KHDRBS2: variants seen among roughly 807,000 people sequenced by gnomAD.
KHDRBS2 encodes the protein KH domain-containing, RNA-binding, signal transduction-associated protein 2.
In KHDRBS2, 26 loss-of-function variants were observed where a neutral mutation model predicts 44.3. That is an observed-to-expected ratio of 0.59 (90% confidence interval 0.43 to 0.81). The LOEUF (loss-of-function observed/expected upper bound fraction) is 0.81. KHDRBS2 is among the 40% of genes least tolerant of loss of function. The probability of loss-of-function intolerance (pLI) is 0.00; values close to 1 mark genes in which losing one functional copy is unlikely to be tolerated. For synonymous variants in KHDRBS2, 194 were observed against 151.1 expected, an observed-to-expected ratio of 1.28 and a Z score of -2.08; for missense variants, 476 against 433.1, an observed-to-expected ratio of 1.10 and a Z score of -0.88.
intron 7 of KHDRBS2, among the ~76,000 whole-genome samples, chr6:61,715,689 G>A (rs1562015631): frequency 6.6e-6 from 1 of 151,788 alleles, no homozygotes; most frequent in Non-Finnish European, 1.5e-5. Flanking sequence ...CATGCTATGT[G>A]TTTATTTGAG....
intron 4 of KHDRBS2, among the ~76,000 whole-genome samples, chr6:61,946,296 T>C (rs1008737918): frequency 3.3e-5 from 5 of 152,210 alleles, no homozygotes; most frequent in Non-Finnish European, 5.9e-5. Flanking sequence ...AAGAATAGCA[T>C]GTATTTAACA....
chr6:61,546,514 G>A, the KHDRBS2 span, among the ~76,000 whole-genome samples: 1 of 152,004 alleles, frequency 6.6e-6, no homozygotes, highest in African/African-American at 2.4e-5. Flanking sequence ...AGTTTCTATG[G>A]CATATTTCTA....
chr6:62,215,036 T>A (rs1411006736), intron 1 of KHDRBS2, among the ~76,000 whole-genome samples: 1 of 151,862 alleles, frequency 6.6e-6, no homozygotes, highest in Admixed American at 6.6e-5. Context: ...TTTGTTGAAT[T>A]TTCCATTGTT....
chr6:61,813,394 C>A (rs1788424410), intron 6 of KHDRBS2, among the ~76,000 whole-genome samples: 1 of 152,118 alleles, frequency 6.6e-6, no homozygotes, highest in Non-Finnish European at 1.5e-5. Context: ...TAATAGCATG[C>A]TACTGCAAGG....
chr6:62,187,227 C>A lies in KHDRBS2; in HGVS notation c.92-9915G>T, dbSNP rs1158630774. 2.0e-5 allele frequency among the ~76,000 whole-genome samples: 3 copies of A among 152,170 alleles called. No homozygotes were observed. In the East Asian group the frequency reaches 5.8e-4, roughly 29 times the overall value. ...ATAAACAAATATTACCTACATTATA[C>A]AAAAGGAAAACCTGAATATTAATTT... On this transcript the variant is annotated intron_variant, in intron 1 of 8. Coordinates refer to ENST00000281156, the MANE Select transcript of KHDRBS2 (RefSeq NM_152688.4).
the KHDRBS2 span, among the ~76,000 whole-genome samples, chr6:61,573,537 C>A: frequency 6.6e-6 from 1 of 152,150 alleles, no homozygotes; most frequent in East Asian, 1.9e-4. Context: ...CACCTGTAAT[C>A]CCAACACTTT....
chr6:62,234,928 T>C (rs1833461081), intron 1 of KHDRBS2, among the ~76,000 whole-genome samples: 1 of 151,998 alleles, frequency 6.6e-6, no homozygotes, highest in Non-Finnish European at 1.5e-5. Flanking sequence ...TTTTGAACTA[T>C]AAAAATTATA....
At chr6:62,033,013 A>C (rs1784627306) in intron 3 of KHDRBS2, among the ~76,000 whole-genome samples, 1 of 151,954 alleles carries the variant, frequency 6.6e-6, no homozygotes, top group Non-Finnish European at 1.5e-5. Context: ...ATTTAACAAG[A>C]GATTGAAATA....
At chr6:61,952,762 C>A (rs979545223) in intron 4 of KHDRBS2, among the ~76,000 whole-genome samples, 1 of 151,988 alleles carries the variant, frequency 6.6e-6, no homozygotes, top group African/African-American at 2.4e-5. Flanking sequence ...CACATGTTCT[C>A]AAAATGTTGC....
intron 4 of KHDRBS2, among the ~76,000 whole-genome samples, chr6:61,937,400 A>G (rs1264500548): frequency 1.3e-5 from 2 of 152,038 alleles, no homozygotes; most frequent in Non-Finnish European, 2.9e-5. Flanking sequence ...AGATACTTCT[A>G]CTACTCTTCT....
chr6:61,674,974 G>A (rs186424170), downstream of KHDRBS2, among the ~76,000 whole-genome samples: 2 of 151,818 alleles, frequency 1.3e-5, no homozygotes, highest in Admixed American at 1.3e-4. Flanking sequence ...CGTATAATTT[G>A]TAAAGATCAA....
At chr6:61,872,215 T>C (rs761243068) in intron 6 of KHDRBS2, among the ~76,000 whole-genome samples, 5 of 152,122 alleles carry the variant, frequency 3.3e-5, no homozygotes, top group African/African-American at 4.8e-5. Context: ...CAGCATACAA[T>C]TTGAGAGACA....
chr6:62,281,979 T>C (rs1841873185), intron 1 of KHDRBS2, among the ~76,000 whole-genome samples: 1 of 152,170 alleles, frequency 6.6e-6, no homozygotes, highest in Non-Finnish European at 1.5e-5. Flanking sequence ...CATAAGATTA[T>C]CCCAAGTCTA....
intron 6 of KHDRBS2, among the ~76,000 whole-genome samples, chr6:61,776,568 C>A: frequency 6.6e-6 from 1 of 152,116 alleles, no homozygotes. Flanking sequence ...CAGAGAAATG[C>A]AAATCAAAAC....
At chr6:61,856,562 T>C (rs1467404570) in intron 6 of KHDRBS2, among the ~76,000 whole-genome samples, 1 of 151,030 alleles carries the variant, frequency 6.6e-6, no homozygotes, top group Non-Finnish European at 1.5e-5. Flanking sequence ...TTTTTTTTTC[T>C]AAAAAAAGAA....
chr6:62,168,636 C>A (rs963934799), intron 2 of KHDRBS2, among the ~76,000 whole-genome samples: 2 of 152,072 alleles, frequency 1.3e-5, no homozygotes, highest in African/African-American at 4.8e-5. Context: ...GAATTTTAAT[C>A]ATTTCTCCAA....
chr6:62,139,173 C>T (rs1490171885), intron 2 of KHDRBS2, among the ~76,000 whole-genome samples: 1 of 151,784 alleles, frequency 6.6e-6, no homozygotes, highest in Admixed American at 6.6e-5. Context: ...AAAAATTGTT[C>T]CCTAGATGCC....
chr6:62,108,883 G>A (rs1451056333), intron 2 of KHDRBS2, among the ~76,000 whole-genome samples: 1 of 152,060 alleles, frequency 6.6e-6, no homozygotes, highest in African/African-American at 2.4e-5. Context: ...ACTCATAGGT[G>A]GGAATTGAAC....
the KHDRBS2 span, among the ~76,000 whole-genome samples, chr6:61,638,626 G>C: frequency 6.6e-6 from 1 of 152,070 alleles, no homozygotes; most frequent in African/African-American, 2.4e-5. Context: ...AACACCAAAA[G>C]TTCAACATAT....
Sources: allele counts gnomAD v4.1 joint callset (sites outside exome capture counted in the v4.1 genomes callset), GRCh38; gene constraint gnomAD v4.1.1; transcripts MANE v1.5; gene names NCBI Gene and HGNC (gene_info 2026-07-23, HGNC 2026-07-21).